PRKD2: variants seen among roughly 807,000 people sequenced by gnomAD.
The protein encoded by PRKD2 is serine/threonine-protein kinase D2.
A neutral mutation model predicts 86.0 loss-of-function variants in PRKD2; 22 were observed. The observed-to-expected ratio is 0.26, with a 90% CI of 0.18 to 0.37. The LOEUF is 0.37. Among genes scored for constraint, PRKD2 ranks in the 10% least tolerant of loss-of-function variants. The pLI is 1.00. For missense variants in PRKD2, 818 were observed against 1,199.2 expected, an observed-to-expected ratio of 0.68 and a Z score of 4.70; for synonymous variants, 509 against 510.9, an observed-to-expected ratio of 1.00 and a Z score of 0.05.
rs2053513399 is a variant in PRKD2, at chr19:46,693,628, G to A, written c.1576+247C>T. 6.6e-6 allele frequency among the ~76,000 whole-genome samples: 1 copy of A among 152,098 alleles called. No individual in the cohort carries two copies. Among genetic ancestry groups the A allele is most frequent in the African/African-American group, 2.4e-5 (1 of 41,428 alleles). On this transcript the variant is annotated intron_variant, in intron 10 of 17. Transcript: ENST00000291281. This position sits in a 1 kb window ranked among gnomAD's most constrained non-coding sequence, Gnocchi z 4.5. ...ATTGTTTTTATTTTTTGTAGAGATG[G>A]AATCTCATTATGTTGCCCAGGCTGG...
intron 10 of PRKD2, 81 bp from the exon 11 acceptor site, chr19:46,692,066 G>A (rs913115604): frequency 2.9e-5 from 40 of 1,388,800 alleles, no homozygotes; most frequent in Middle Eastern, 1.8e-4. Context: ...GCAGACTTGG[G>A]AGTCAGGCCA....
chr19:46,693,787 A>C lies in PRKD2; in HGVS notation c.1576+88T>G. The C allele has an allele frequency of 6.7e-7, 1 of 1,496,426 alleles. No individual in the cohort carries two copies. The highest frequency in any genetic ancestry group is 2.3e-5 in the East Asian group (1 of 43,856). 92.7% of individuals were successfully genotyped at this position (1,496,426 alleles called of 1,614,324 possible). On this transcript the variant is annotated intron_variant, in intron 10 of 17. Transcript: ENST00000291281. This position sits in a 1 kb window ranked among gnomAD's most constrained non-coding sequence, Gnocchi z 4.5. ...TGCGTTCTCAACCCCACCATTGCCC[A>C]CTTTCCTCTTTGGCCCTTCCATTCC...
intron 7 of PRKD2, among the ~76,000 whole-genome samples, chr19:46,700,532 T>A (rs2053620810): frequency 6.6e-6 from 1 of 151,970 alleles, no homozygotes; most frequent in Non-Finnish European, 1.5e-5. Flanking sequence ...CTCGAGAGGC[T>A]AAGGTGGCAG....
Position 46,700,774 on chromosome 19 carries a change from G to A in PRKD2, c.1121+25C>T, listed in dbSNP as rs115352636. 3.3e-4 allele frequency: 521 copies of A among 1,596,286 alleles called. 2 individuals are homozygous for A. In the African/African-American group the frequency reaches 5.7e-3, roughly 17 times the overall value. ...CTGTGCAGGAGGGTCTTCCCCCAGG[G>A]TCTCTTGGAGGGTTCTGTGTATACC... On this transcript the variant is annotated intron_variant, in intron 7 of 17. Coordinates refer to ENST00000291281, the MANE Select transcript of PRKD2 (RefSeq NM_016457.5).
chr19:46,679,156 A>G (rs2053258133), intron 15 of PRKD2, among the ~76,000 whole-genome samples: 1 of 152,094 alleles, frequency 6.6e-6, no homozygotes, highest in African/African-American at 2.4e-5. Context: ...CAGCCTGGCC[A>G]ACACGATGAA....
chr19:46,689,499 T>C, intron 14 of PRKD2, 38 bp downstream of exon 14: 13 of 1,563,412 alleles, frequency 8.3e-6, no homozygotes, highest in African/African-American at 1.3e-5. Context: ...TGACACCTGA[T>C]GGGGAGGGGC....
In PRKD2 at chr19:46,701,710, C is replaced by G. The variant is rs895053046; in HGVS notation, c.890-598G>C. Among the ~76,000 whole-genome samples, 17 of 151,808 alleles carry G rather than the reference C, an allele frequency of 1.1e-4. 1 individual carries two copies. The highest frequency in any genetic ancestry group is 3.4e-3 in the Middle Eastern group (1 of 294). On this transcript the variant is annotated intron_variant, in intron 5 of 17. Transcript: ENST00000291281. ...TTCTAATGTGCTGTGACTCCAGACTCTGAACACCCTAGGGCTGGGTTCCTC... is the reference window on the plus strand; with the variant it reads ...TTCTAATGTGCTGTGACTCCAGACTGTGAACACCCTAGGGCTGGGTTCCTC...
intron 13 of PRKD2, 94 bp from the exon 14 acceptor site, chr19:46,689,792 G>A: frequency 6.9e-7 from 1 of 1,442,294 alleles, no homozygotes; most frequent in Non-Finnish European, 9.5e-7. Flanking sequence ...CAAACAAGGA[G>A]AAGGATGTCC....
chr19:46,688,637 A>G (rs2122636678), intron 14 of PRKD2, among the ~76,000 whole-genome samples: 1 of 151,958 alleles, frequency 6.6e-6, no homozygotes, highest in East Asian at 2.0e-4. Context: ...GGGTTTCACC[A>G]TGTTGGCCAG....
At chr19:46,697,304 CTTGG>C in intron 8 of PRKD2, 70 bp from the exon 9 acceptor site, 11 of 1,230,944 alleles carry the variant, frequency 8.9e-6, no homozygotes, top group East Asian at 2.3e-5. Context: ...CGTGGAGCTG[CTTGG>C]GGCTCCAGGT....
chr19:46,688,323 C>T (rs1270038283), intron 14 of PRKD2, among the ~76,000 whole-genome samples: 4 of 151,904 alleles, frequency 2.6e-5, no homozygotes, highest in Admixed American at 2.6e-4. Context: ...CTAGATGAGT[C>T]AAGTCAGGTC....
At position 46,711,621 on chromosome 19, in the gene PRKD2, G is replaced by A. The variant is rs183761276; in HGVS notation, c.380-583C>T. ...TTGGCCAGGATGGTCTCAAACTCCC[G>A]ACCTCAGGTGATCTGCCCGCCTCGG... is the stretch of plus-strand genomic sequence containing the variant. On this transcript the variant is annotated intron_variant, in intron 2 of 17. Transcript: ENST00000291281. Among the ~76,000 whole-genome samples the A allele has an allele frequency of 2.7e-3, 417 of 152,140 alleles. 5 individuals carry two copies. Among genetic ancestry groups the A allele is most frequent in the African/African-American group, 9.4e-3 (390 of 41,516 alleles).
At chr19:46,710,713 G>GGCCCA in intron 3 of PRKD2, 194 bp downstream of exon 3, 1 of 553,784 alleles carries the variant, frequency 1.8e-6, no homozygotes, top group East Asian at 3.7e-5. Flanking sequence ...CCTGAGCCCC[G>GGCCCA]GCCCAGCCCC....
chr19:46,706,077 C>A (rs1413610303), intron 3 of PRKD2, among the ~76,000 whole-genome samples: 1 of 151,910 alleles, frequency 6.6e-6, no homozygotes, highest in African/African-American at 2.4e-5. Flanking sequence ...ATTGCCCAGG[C>A]TGGTCTTGAA....
At chr19:46,699,285 C>T (rs1260038832) in intron 7 of PRKD2, among the ~76,000 whole-genome samples, 1 of 152,156 alleles carries the variant, frequency 6.6e-6, no homozygotes, top group Non-Finnish European at 1.5e-5. Flanking sequence ...CCTAAGATAG[C>T]ATGTCCCCCA....
At chr19:46,691,010 G>C (rs989064238) in intron 12 of PRKD2, among the ~76,000 whole-genome samples, 2 of 152,136 alleles carry the variant, frequency 1.3e-5, no homozygotes, top group African/African-American at 4.8e-5. Context: ...AGAGTCCTGG[G>C]GACAGGGGAG....
chr19:46,683,644 A>C (rs2053349176), intron 14 of PRKD2, among the ~76,000 whole-genome samples: 1 of 151,890 alleles, frequency 6.6e-6, no homozygotes, highest in Non-Finnish European at 1.5e-5. Flanking sequence ...CTTGAACTGG[A>C]GAGGTGGAGG....
At chr19:46,686,298 A>G (rs1451069775) in intron 14 of PRKD2, 1 of 151,950 alleles carries the variant, frequency 6.6e-6, no homozygotes, top group Non-Finnish European at 1.5e-5. Context: ...TAAGCCCAGG[A>G]GTTCGAGACC....
Position 46,674,500 on chromosome 19 carries a change from C to T in PRKD2, c.*23G>A. The T allele has an allele frequency of 6.3e-7, 1 of 1,598,150 alleles. No individual in the cohort carries two copies. Among genetic ancestry groups the T allele is most frequent in the African/African-American group, 1.3e-5 (1 of 74,786 alleles). ...TGTGAAGAACCGCTGTGGAGGGCAG[C>T]AGCTGGACGAGGGCACAGGACCTCA... On this transcript the variant is annotated 3_prime_UTR_variant, in exon 18 of 18. Transcript: ENST00000291281.
Sources: allele counts gnomAD v4.1 joint callset (sites outside exome capture counted in the v4.1 genomes callset), GRCh38; gene constraint gnomAD v4.1.1; non-coding constraint Gnocchi (gnomAD v3.1); transcripts MANE v1.5; gene names NCBI Gene and HGNC (gene_info 2026-07-23, HGNC 2026-07-21).